CSRNP2: variants seen among roughly 807,000 people sequenced by gnomAD.
The protein encoded by CSRNP2 is cysteine/serine-rich nuclear protein 2.
Under a neutral mutation model 36.6 loss-of-function variants are expected in CSRNP2, and 11 were observed. The ratio of observed to expected loss-of-function variants is 0.30; its 90% CI spans 0.19 to 0.50. The LOEUF (loss-of-function observed/expected upper bound fraction) is 0.50. Ranked by LOEUF, CSRNP2 falls within the 20% of genes least tolerant of loss-of-function variation. The pLI, the probability that CSRNP2 is intolerant of heterozygous loss-of-function variation, is 0.98. For synonymous variants in CSRNP2, 248 were observed against 275.3 expected, an observed-to-expected ratio of 0.90 and a Z score of 0.98; for missense variants, 483 against 691.4, an observed-to-expected ratio of 0.70 and a Z score of 3.38.
rs879336668 is a variant in CSRNP2, at chr12:51,069,843, C to CAA, written c.412-1875_412-1874insTT. ...GAGTAGTTGGGACTACAGGCGCCTG[C>CAA]CACCACGCCTCGCTAATTTTTTGTA... On this transcript the variant is annotated intron_variant, in intron 3 of 4. Coordinates refer to ENST00000228515, the MANE Select transcript of CSRNP2 (RefSeq NM_030809.3). Among the ~76,000 whole-genome samples, 245 of 152,026 alleles carry CAA rather than the reference C, an allele frequency of 1.6e-3. 1 individual carries two copies. The highest frequency in any genetic ancestry group is 2.8e-3 in the Non-Finnish European group (192 of 67,980).
At chr12:51,080,150 AGGCAGGCAGGCAGGCAGGCAGG>A (rs1939583467) in intron 1 of CSRNP2, among the ~76,000 whole-genome samples, 1 of 4,518 alleles carries the variant, frequency 2.2e-4, no homozygotes, top group Non-Finnish European at 4.1e-3. Context: ...GCAGGCAGGC[AGGCAGGCAGGCAGGCAGGCAGG>A]CAGGCGGTCT....
chr12:51,072,758 T>C (rs1412672038), intron 3 of CSRNP2, among the ~76,000 whole-genome samples: 2 of 152,070 alleles, frequency 1.3e-5, no homozygotes, highest in African/African-American at 4.8e-5. Context: ...TGATGGGGAT[T>C]ATAGAAACAG....
rs1026579501 is a variant in CSRNP2, at chr12:51,062,946, T to C, written c.*800A>G. ...GGGTGAGCCCCAGCCGAAAGCTGCC[T>C]GACAGTGCTAGTGTCAGACACGTAC... On this transcript the variant is annotated 3_prime_UTR_variant, in exon 5 of 5. Coordinates refer to ENST00000228515, the MANE Select transcript of CSRNP2 (RefSeq NM_030809.3). 2 of 152,400 alleles carry C rather than the reference T, an allele frequency of 1.3e-5. No homozygotes were observed. The highest frequency in any genetic ancestry group is 2.9e-5 in the Non-Finnish European group (2 of 68,056). The allele number at this position is 152,400 out of a possible 1,614,324, so 9.4% of individuals were successfully genotyped here. A position where few individuals can be genotyped will look rare whatever the true frequency, so the allele number is the denominator to read the frequency against.
intron 1 of CSRNP2, among the ~76,000 whole-genome samples, chr12:51,080,101 A>AAAAAG (rs1939574124): frequency 1.5e-5 from 2 of 135,226 alleles, no homozygotes; most frequent in South Asian, 2.6e-4. Flanking sequence ...AAAAAAAAAG[A>AAAAAG]GGGAGGGAGG....
At chr12:51,076,021 A>G (rs866364504) in intron 2 of CSRNP2, among the ~76,000 whole-genome samples, 1 of 152,192 alleles carries the variant, frequency 6.6e-6, no homozygotes, top group South Asian at 2.1e-4. Flanking sequence ...ACTGCACTCC[A>G]GCCTGGGCAA....
chr12:51,068,157 CATTTT>C (rs1938591165), intron 3 of CSRNP2, among the ~76,000 whole-genome samples, 188 bp from the exon 4 acceptor site: 1 of 152,164 alleles, frequency 6.6e-6, no homozygotes, highest in African/African-American at 2.4e-5. Flanking sequence ...GGAAAACTGT[CATTTT>C]ATTTATTTTT....
At chr12:51,081,922 A>G (rs1365829986) in intron 1 of CSRNP2, among the ~76,000 whole-genome samples, 1 of 152,226 alleles carries the variant, frequency 6.6e-6, no homozygotes, top group Non-Finnish European at 1.5e-5. Flanking sequence ...ATCTATTTGC[A>G]AAGTTTAGGT....
At chr12:51,073,733 A>C in intron 3 of CSRNP2, 90 bp downstream of exon 3, 1 of 1,307,860 alleles carries the variant, frequency 7.6e-7, no homozygotes, top group Non-Finnish European at 1.0e-6. Context: ...CCCAGAAAAA[A>C]AAAAAAAAAA....
At position 51,067,754 on chromosome 12, in the gene CSRNP2, T is replaced by G; in HGVS notation, c.627A>C (p.Ser209=). 6.2e-7 allele frequency: 1 copy of G among 1,614,192 alleles called. No individual in the cohort carries two copies. Among genetic ancestry groups the G allele is most frequent in the Non-Finnish European group, 8.5e-7 (1 of 1,180,028 alleles). Residue 209 remains serine (S), a synonymous_variant, in exon 4 of 5, where the codon TCA becomes TCC. Transcript: ENST00000228515. The surrounding 1 kb of genome is among the most constrained non-coding windows in gnomAD (Gnocchi z 4.1). ...EKQELRAIRL[S]REECGCDCRL... is the part of the protein sequence containing the mutation. ...GGCAGTCACAACCACATTCTTCCCG[T>G]GACAGGCGGATGGCTCGAAGTTCTT...
intron 1 of CSRNP2, among the ~76,000 whole-genome samples, chr12:51,077,391 T>C (rs1307613445): frequency 6.6e-6 from 1 of 152,216 alleles, no homozygotes; most frequent in Non-Finnish European, 1.5e-5. Flanking sequence ...CTTAGAGGCT[T>C]TTAATATACT....
In CSRNP2 at chr12:51,067,201, A is replaced by G. The variant is rs1254966850; in HGVS notation, c.708+472T>C. On this transcript the variant is annotated intron_variant, in intron 4 of 4. Transcript: ENST00000228515. This position sits in a 1 kb window ranked among gnomAD's most constrained non-coding sequence, Gnocchi z 4.1. ...TAGGAAATACTGTTTAGGAATCAGTATTTAGGAAACATTTACTAAATGTTA... is the reference window on the plus strand; with the variant it reads ...TAGGAAATACTGTTTAGGAATCAGTGTTTAGGAAACATTTACTAAATGTTA... Among the ~76,000 whole-genome samples the G allele has an allele frequency of 6.6e-6, 1 of 152,102 alleles. No homozygotes were observed. The highest frequency in any genetic ancestry group is 1.5e-5 in the Non-Finnish European group (1 of 68,008).
intron 3 of CSRNP2, among the ~76,000 whole-genome samples, chr12:51,071,460 A>G (rs974404296): frequency 1.3e-5 from 2 of 151,296 alleles, no homozygotes; most frequent in Admixed American, 1.3e-4. Flanking sequence ...AAAGCAAGGG[A>G]TTCCTCTTGA....
In CSRNP2 at chr12:51,076,763, A is replaced by G. The variant is rs1037415222; in HGVS notation, c.-86-116T>C. ...CCTAGCACTGATGTCTGCTTTCTCA[A>G]TATTACGTTCTTTCTCTACTAGCTC... On this transcript the variant is annotated intron_variant, in intron 1 of 4. Transcript: ENST00000228515. 8.1e-5 allele frequency: 46 copies of G among 570,808 alleles called. No homozygotes were observed. In the Admixed American group the frequency reaches 1.3e-3, roughly 16 times the overall value. 35.4% of individuals were successfully genotyped at this position (570,808 alleles called of 1,614,324 possible).
chr12:51,074,672 T>G (rs540190014), intron 2 of CSRNP2, among the ~76,000 whole-genome samples: 11 of 152,172 alleles, frequency 7.2e-5, no homozygotes, highest in Non-Finnish European at 1.5e-4. Context: ...GGATCTCTAG[T>G]TAATCTTTTC....
At chr12:51,079,634 G>T (rs550384969) in intron 1 of CSRNP2, among the ~76,000 whole-genome samples, 2 of 151,242 alleles carry the variant, frequency 1.3e-5, no homozygotes, top group African/African-American at 4.9e-5. Context: ...TTAGCCAGGC[G>T]TGGTGGCACA....
chr12:51,067,501 C>G lies in CSRNP2; in HGVS notation c.708+172G>C, dbSNP rs1480838566. 6.6e-6 allele frequency among the ~76,000 whole-genome samples: 1 copy of G among 152,186 alleles called. No individual in the cohort carries two copies. Among genetic ancestry groups the G allele is most frequent in the Non-Finnish European group, 1.5e-5 (1 of 68,034 alleles). On this transcript the variant is annotated intron_variant, in intron 4 of 4. Transcript: ENST00000228515. The surrounding 1 kb of genome is among the most constrained non-coding windows in gnomAD (Gnocchi z 4.1). The stretch of plus-strand genomic sequence containing the variant: ...GGATTAGAGGTGTGAGCCACCATGC[C>G]TGGCCGTGTGCTGTTTGCTTACTCT...
At chr12:51,077,444 T>C (rs1939444458) in intron 1 of CSRNP2, among the ~76,000 whole-genome samples, 2 of 152,198 alleles carry the variant, frequency 1.3e-5, no homozygotes, top group South Asian at 4.1e-4. Context: ...ATGCAGTGTT[T>C]CTACAAACGT....
chr12:51,072,992 G>T (rs925399812), intron 3 of CSRNP2, among the ~76,000 whole-genome samples: 4 of 151,988 alleles, frequency 2.6e-5, no homozygotes, highest in Non-Finnish European at 5.9e-5. Flanking sequence ...GAGGTCAAGA[G>T]GGAAGGACCA....
In CSRNP2 at chr12:51,067,113, G is replaced by A. The variant is rs904301955; in HGVS notation, c.708+560C>T. On this transcript the variant is annotated intron_variant, in intron 4 of 4. Transcript: ENST00000228515. The surrounding 1 kb of genome is among the most constrained non-coding windows in gnomAD (Gnocchi z 4.1). ...CCCAAAGTGCTGGGATTACAGATGT[G>A]AGCCACCATGCCCAGTCCTGCTTCC... 2.6e-5 allele frequency among the ~76,000 whole-genome samples: 4 copies of A among 151,748 alleles called. No homozygotes were observed. The highest frequency in any genetic ancestry group is 7.3e-5 in the African/African-American group (3 of 41,378).
Sources: allele counts gnomAD v4.1 joint callset (sites outside exome capture counted in the v4.1 genomes callset), GRCh38; gene constraint gnomAD v4.1.1; non-coding constraint Gnocchi (gnomAD v3.1); transcripts MANE v1.5; gene names NCBI Gene and HGNC (gene_info 2026-07-23, HGNC 2026-07-21).